The following GPHN variants were observed in gnomAD, a reference collection of about 807,000 sequenced individuals.
GPHN encodes gephyrin.
In GPHN, 17 loss-of-function variants were observed where a neutral mutation model predicts 95.5. That is an observed-to-expected ratio of 0.18 (90% CI 0.12 to 0.27). The LOEUF is 0.27. Ranked by LOEUF, GPHN falls within the 10% of genes least tolerant of loss-of-function variation. GPHN has a pLI of 1.00. For missense variants in GPHN, 660 were observed against 978.1 expected, an observed-to-expected ratio of 0.67 and a Z score of 4.34; for synonymous variants, 320 against 322.5, an observed-to-expected ratio of 0.99 and a Z score of 0.08.
At chr14:67,347,478 G>T in the GPHN span, 5 of 1,561,976 alleles carry the variant, frequency 3.2e-6, no homozygotes, top group Admixed American at 1.8e-5. Flanking sequence ...AGCATACATG[G>T]ATTCATAAAC....
intron 4 of GPHN, among the ~76,000 whole-genome samples, chr14:66,851,809 C>G (rs2062595834): frequency 6.6e-6 from 1 of 151,930 alleles, no homozygotes; most frequent in Admixed American, 6.6e-5. Flanking sequence ...TTTAGAAAGA[C>G]CATTTTGACA....
the GPHN span, chr14:67,397,667 G>T: frequency 1.2e-6 from 2 of 1,610,218 alleles, no homozygotes; most frequent in South Asian, 2.2e-5. Context: ...CTTACCGGTC[G>T]GTTTTCATAC....
chr14:67,622,508 T>C, the GPHN span, among the ~76,000 whole-genome samples: 1 of 152,246 alleles, frequency 6.6e-6, no homozygotes, highest in Non-Finnish European at 1.5e-5. Flanking sequence ...TCTTAGTCAT[T>C]TTAATAACTC....
intron 1 of GPHN, among the ~76,000 whole-genome samples, chr14:66,663,841 CA>C (rs1452347851): frequency 6.6e-6 from 1 of 151,916 alleles, no homozygotes; most frequent in Non-Finnish European, 1.5e-5. Flanking sequence ...CCTGTTCTGA[CA>C]AAACAGACTT....
chr14:66,745,994 A>G (rs921631983), intron 2 of GPHN, among the ~76,000 whole-genome samples: 4 of 151,984 alleles, frequency 2.6e-5, no homozygotes, highest in African/African-American at 9.7e-5. Context: ...GATATATCCA[A>G]GTTGTGTATG....
intron 3 of GPHN, among the ~76,000 whole-genome samples, chr14:66,812,463 G>A (rs1463411255): frequency 1.3e-5 from 2 of 152,096 alleles, no homozygotes; most frequent in African/African-American, 4.8e-5. Context: ...CTAACCCCAA[G>A]ATGACCCACC....
At chr14:67,190,823 T>A in the GPHN span, among the ~76,000 whole-genome samples, 1 of 152,320 alleles carries the variant, frequency 6.6e-6, no homozygotes, top group East Asian at 1.9e-4. Flanking sequence ...GTAAGAATCT[T>A]GGGAAAAATC....
the GPHN span, among the ~76,000 whole-genome samples, chr14:67,510,778 G>A: frequency 6.6e-6 from 1 of 152,144 alleles, no homozygotes; most frequent in African/African-American, 2.4e-5. Flanking sequence ...GTTTGGCCAA[G>A]GACAGCAATG....
intron 9 of GPHN, among the ~76,000 whole-genome samples, chr14:67,003,628 A>T (rs1434480271): frequency 2.0e-5 from 3 of 151,684 alleles, no homozygotes; most frequent in Non-Finnish European, 4.4e-5. Context: ...CCACAGCATC[A>T]TCAATCACTG....
At chr14:67,630,871 C>T in the GPHN span, among the ~76,000 whole-genome samples, 1 of 152,198 alleles carries the variant, frequency 6.6e-6, no homozygotes, top group African/African-American at 2.4e-5. Flanking sequence ...GTGTGAGCCA[C>T]CGTGCCCCGC....
At chr14:66,799,553 A>C (rs761407212) in intron 3 of GPHN, among the ~76,000 whole-genome samples, 6 of 152,018 alleles carry the variant, frequency 3.9e-5, no homozygotes, top group Non-Finnish European at 8.8e-5. Flanking sequence ...CTTGTTTATC[A>C]TTATATAGTG....
intron 18 of GPHN, among the ~76,000 whole-genome samples, chr14:67,151,096 T>C (rs1291501211): frequency 6.6e-6 from 1 of 152,240 alleles, no homozygotes; most frequent in Non-Finnish European, 1.5e-5. Context: ...ATATAATTTA[T>C]GAATACCTTA....
the GPHN span, among the ~76,000 whole-genome samples, chr14:67,481,940 G>A: frequency 1.2e-3 from 184 of 152,338 alleles, no homozygotes; most frequent in African/African-American, 4.2e-3. Flanking sequence ...AGAAATTCAG[G>A]GTGGATTGAA....
chr14:66,841,523 T>C (rs2062087568), intron 4 of GPHN, among the ~76,000 whole-genome samples: 1 of 152,084 alleles, frequency 6.6e-6, no homozygotes, highest in Non-Finnish European at 1.5e-5. Context: ...TACTGATATA[T>C]TTTGAAGGGA....
chr14:67,095,573 T>A (rs1303939998), intron 12 of GPHN, among the ~76,000 whole-genome samples: 1 of 152,082 alleles, frequency 6.6e-6, no homozygotes, highest in African/African-American at 2.4e-5. Flanking sequence ...ATGTGGCACA[T>A]ATACACCATG....
the GPHN span, among the ~76,000 whole-genome samples, chr14:67,218,643 G>T: frequency 1.3e-5 from 2 of 152,300 alleles, no homozygotes; most frequent in Admixed American, 6.5e-5. Context: ...GATTTTGGGT[G>T]CAGGGTCATT....
chr14:66,881,937 G>A, intron 5 of GPHN, among the ~76,000 whole-genome samples: 1 of 151,818 alleles, frequency 6.6e-6, no homozygotes, highest in Admixed American at 6.6e-5. Context: ...ATAAACTTTG[G>A]AACAGACATA....
chr14:66,732,359 A>G (rs555352270), intron 2 of GPHN, among the ~76,000 whole-genome samples: 106 of 152,318 alleles, frequency 7.0e-4, no homozygotes, highest in Non-Finnish European at 1.5e-3. Flanking sequence ...TGGATATGAG[A>G]CTTGGAGTCA....
At chr14:66,778,888 A>G (rs763396864) in intron 3 of GPHN, among the ~76,000 whole-genome samples, 1 of 151,524 alleles carries the variant, frequency 6.6e-6, no homozygotes, top group Non-Finnish European at 1.5e-5. Context: ...GGCACATGAC[A>G]CCACACCCAG....
Sources: allele counts gnomAD v4.1 joint callset (sites outside exome capture counted in the v4.1 genomes callset), GRCh38; gene constraint gnomAD v4.1.1; transcripts MANE v1.5; gene names NCBI Gene and HGNC (gene_info 2026-07-23, HGNC 2026-07-21).